The following AGBL4 variants were observed in gnomAD, a reference collection of about 807,000 sequenced individuals.
AGBL4 encodes the protein AGBL carboxypeptidase 4.
Under a neutral mutation model 66.4 loss-of-function variants are expected in AGBL4, and 58 were observed. The ratio of observed to expected loss-of-function variants is 0.87; its 90% CI spans 0.71 to 1.09. The LOEUF is 1.09. Among genes scored for constraint, AGBL4 ranks in the 50% least tolerant of loss-of-function variants. The pLI is 0.00. For missense variants in AGBL4, 579 were observed against 631.0 expected, an observed-to-expected ratio of 0.92 and a Z score of 0.88; for synonymous variants, 234 against 222.9, an observed-to-expected ratio of 1.05 and a Z score of -0.44.
chr1:49,113,616 C>T (rs556043865), intron 4 of AGBL4, among the ~76,000 whole-genome samples: 2 of 152,294 alleles, frequency 1.3e-5, no homozygotes, highest in Admixed American at 6.5e-5. Context: ...GTTTACTTTA[C>T]CTAGACCCAT....
At chr1:49,740,478 T>C (rs1276822275) in intron 2 of AGBL4, among the ~76,000 whole-genome samples, 1 of 152,130 alleles carries the variant, frequency 6.6e-6, no homozygotes, top group South Asian at 2.1e-4. Context: ...ACTGTCAATA[T>C]TAGACAGATC....
chr1:49,352,366 CTTTTTT>C (rs35699154), intron 3 of AGBL4, among the ~76,000 whole-genome samples: 1 of 83,112 alleles, frequency 1.2e-5, no homozygotes, highest in Non-Finnish European at 2.2e-5. Flanking sequence ...TGAATTGAAG[CTTTTTT>C]TTTTTTTTTT....
intron 6 of AGBL4, chr1:48,742,662 A>G (rs747945703): frequency 3.3e-5 from 53 of 1,608,538 alleles, no homozygotes; most frequent in Non-Finnish European, 4.2e-5. Flanking sequence ...TGACAGGCGC[A>G]GGAGCGGGGT....
intron 1 of AGBL4, among the ~76,000 whole-genome samples, chr1:49,983,967 G>C (rs1264489221): frequency 2.0e-5 from 3 of 152,124 alleles, no homozygotes; most frequent in Non-Finnish European, 4.4e-5. Flanking sequence ...CTCTTTTGGG[G>C]TTTAGACACA....
chr1:49,912,749 C>A (rs559484842), intron 1 of AGBL4, among the ~76,000 whole-genome samples: 4 of 152,146 alleles, frequency 2.6e-5, no homozygotes, highest in Admixed American at 2.6e-4. Context: ...GAAAAAAAAA[C>A]ACCTTATTTG....
chr1:49,096,934 A>C (rs1645117044), intron 4 of AGBL4, among the ~76,000 whole-genome samples: 2 of 152,134 alleles, frequency 1.3e-5, no homozygotes. Flanking sequence ...GGAAGGGGAC[A>C]TGAGCCAAAG....
intron 9 of AGBL4, among the ~76,000 whole-genome samples, chr1:48,613,112 C>T (rs114731109): frequency 0.057 from 8,682 of 151,176 alleles, 368 homozygotes; most frequent in Middle Eastern, 0.093. Flanking sequence ...CCAGCCTGGG[C>T]GAGAGAGCAA....
At chr1:49,534,982 C>T (rs1290051500) in intron 3 of AGBL4, among the ~76,000 whole-genome samples, 5 of 152,186 alleles carry the variant, frequency 3.3e-5, no homozygotes, top group African/African-American at 1.2e-4. Flanking sequence ...CCCCTAGCCC[C>T]AGGCTGCACA....
At chr1:49,321,222 C>A (rs1338150602) in intron 3 of AGBL4, among the ~76,000 whole-genome samples, 1 of 152,164 alleles carries the variant, frequency 6.6e-6, no homozygotes, top group African/African-American at 2.4e-5. Context: ...AGATTTACTG[C>A]CTGAACTTGG....
intron 1 of AGBL4, among the ~76,000 whole-genome samples, chr1:49,863,410 A>T (rs1646622390): frequency 6.6e-6 from 1 of 152,228 alleles, no homozygotes; most frequent in Non-Finnish European, 1.5e-5. Flanking sequence ...AACACAGACA[A>T]CCAAAGCAAC....
chr1:49,329,773 T>C (rs1376399739), intron 3 of AGBL4, among the ~76,000 whole-genome samples: 1 of 152,160 alleles, frequency 6.6e-6, no homozygotes, highest in African/African-American at 2.4e-5. Flanking sequence ...TAATGCTAGT[T>C]ATGTGAAATC....
chr1:49,180,501 T>C (rs1164796885), intron 4 of AGBL4, among the ~76,000 whole-genome samples: 1 of 152,150 alleles, frequency 6.6e-6, no homozygotes, highest in East Asian at 1.9e-4. Flanking sequence ...CATCTTCTGA[T>C]AGTAAGTGGA....
intron 11 of AGBL4, among the ~76,000 whole-genome samples, chr1:48,542,471 G>A (rs139239324): frequency 3.9e-5 from 6 of 152,258 alleles, no homozygotes; most frequent in South Asian, 2.1e-4. Flanking sequence ...GTATAAAAGC[G>A]TTCCTATTTC....
At chr1:48,850,125 C>CT (rs1240103243) in intron 6 of AGBL4, among the ~76,000 whole-genome samples, 1 of 152,192 alleles carries the variant, frequency 6.6e-6, no homozygotes, top group Non-Finnish European at 1.5e-5. Context: ...AATAAAAACT[C>CT]TAGGTAATTT....
intron 2 of AGBL4, among the ~76,000 whole-genome samples, chr1:49,840,759 C>T (rs1311158815): frequency 6.6e-6 from 1 of 152,174 alleles, no homozygotes; most frequent in African/African-American, 2.4e-5. Flanking sequence ...ATATGACCAT[C>T]TCAATAGAGA....
At chr1:49,121,611 G>C (rs1178840066) in intron 4 of AGBL4, among the ~76,000 whole-genome samples, 3 of 152,172 alleles carry the variant, frequency 2.0e-5, no homozygotes, top group Admixed American at 6.5e-5. Context: ...CCTATATGAG[G>C]TGTCTGTCGG....
chr1:49,463,327 A>G (rs1035571141), intron 3 of AGBL4, among the ~76,000 whole-genome samples: 1 of 151,650 alleles, frequency 6.6e-6, no homozygotes, highest in Non-Finnish European at 1.5e-5. Context: ...TAGTTTATGC[A>G]AGTTATCCAG....
intron 1 of AGBL4, among the ~76,000 whole-genome samples, chr1:49,872,668 A>G (rs1346039448): frequency 6.6e-6 from 1 of 152,122 alleles, no homozygotes; most frequent in Non-Finnish European, 1.5e-5. Context: ...AGGTTCCAGC[A>G]AAGCCAATTT....
At position 49,466,357 on chromosome 1, in the gene AGBL4, T is replaced by A. The variant is rs557698785; in HGVS notation, c.283-220493A>T. ...TCAAGATTTGACTGAAACTCACAAG[T>A]CAAAGAAGAGAATAGGAATTAAAAT... On this transcript the variant is annotated intron_variant, in intron 3 of 13. Transcript: ENST00000371839. Among the ~76,000 whole-genome samples, 7 of 151,964 alleles carry A rather than the reference T, an allele frequency of 4.6e-5. No homozygotes were observed. The South Asian group carries it at 1.5e-3, about 32-fold the overall frequency.
Sources: gnomAD v4.1 joint callset for allele counts (sites outside exome capture counted in the v4.1 genomes callset) on GRCh38, gnomAD v4.1.1 for gene constraint, MANE v1.5 for transcripts, NCBI Gene and HGNC (gene_info 2026-07-23, HGNC 2026-07-21) for gene names.